Variants in CFAP299 observed in about 807,000 individuals in gnomAD.
CFAP299 encodes cilia- and flagella-associated protein 299.
In CFAP299, 21 loss-of-function variants were observed where a neutral mutation model predicts 27.0. The ratio of observed to expected loss-of-function variants is 0.78; its 90% CI spans 0.55 to 1.12. The LOEUF is 1.12. CFAP299 is among the 50% of genes most tolerant of loss of function. The pLI is 0.00. For synonymous variants in CFAP299, 104 were observed against 98.1 expected, an observed-to-expected ratio of 1.06 and a Z score of -0.36; for missense variants, 310 against 276.6, an observed-to-expected ratio of 1.12 and a Z score of -0.86.
chr4:80,758,922 G>A (rs78388732), intron 3 of CFAP299, among the ~76,000 whole-genome samples: 3,132 of 151,994 alleles, frequency 0.021, 79 homozygotes, highest in South Asian at 0.062. Context: ...ATATTAAAAT[G>A]GCACAAAAAT....
intron 3 of CFAP299, among the ~76,000 whole-genome samples, chr4:80,770,462 T>A (rs932053686): frequency 1.3e-5 from 2 of 152,006 alleles, no homozygotes; most frequent in Non-Finnish European, 2.9e-5. Context: ...CAGGAAAAAA[T>A]TTTGCTAAGC....
intron 2 of CFAP299, among the ~76,000 whole-genome samples, chr4:80,416,930 T>A (rs1727041753): frequency 6.6e-6 from 1 of 151,958 alleles, no homozygotes; most frequent in African/African-American, 2.4e-5. Context: ...TCAGGGTGAG[T>A]CCATAGAGTA....
intron 3 of CFAP299, among the ~76,000 whole-genome samples, chr4:80,779,058 A>G (rs2110089429): frequency 6.6e-6 from 1 of 152,130 alleles, no homozygotes; most frequent in African/African-American, 2.4e-5. Context: ...CTAACTCAAC[A>G]CTCAGAACAA....
intron 2 of CFAP299, among the ~76,000 whole-genome samples, chr4:80,527,185 C>T (rs184539914): frequency 3.3e-5 from 5 of 152,218 alleles, no homozygotes; most frequent in African/African-American, 4.8e-5. Flanking sequence ...GAAATGTGCT[C>T]CTCAGTACCA....
intron 2 of CFAP299, among the ~76,000 whole-genome samples, chr4:80,473,592 A>G (rs1330223147): frequency 2.6e-5 from 4 of 151,648 alleles, no homozygotes; most frequent in African/African-American, 9.7e-5. Flanking sequence ...TTTTTTTGAG[A>G]CAGGATCTCA....
intron 3 of CFAP299, among the ~76,000 whole-genome samples, chr4:80,699,729 A>G (rs1213808261): frequency 6.6e-6 from 1 of 152,158 alleles, no homozygotes; most frequent in African/African-American, 2.4e-5. Context: ...TTGCTAAGTT[A>G]TCACACATGC....
At chr4:80,322,721 A>G in the CFAP299 span, among the ~76,000 whole-genome samples, 3 of 152,234 alleles carry the variant, frequency 2.0e-5, no homozygotes, top group Admixed American at 6.5e-5. Context: ...AAGTATTCAG[A>G]TTCAAAATAA....
chr4:80,825,662 A>G (rs1729945656), intron 3 of CFAP299, among the ~76,000 whole-genome samples: 1 of 152,008 alleles, frequency 6.6e-6, no homozygotes, highest in South Asian at 2.1e-4. Flanking sequence ...CTTCAAAAGT[A>G]CAGAAGAAAT....
intron 2 of CFAP299, among the ~76,000 whole-genome samples, chr4:80,557,796 A>C (rs1165281721): frequency 2.0e-5 from 3 of 152,160 alleles, no homozygotes; most frequent in Non-Finnish European, 4.4e-5. Context: ...AAAAGGACAA[A>C]GCAAGAACAA....
chr4:80,727,284 A>G (rs532194894), intron 3 of CFAP299, among the ~76,000 whole-genome samples: 5 of 151,994 alleles, frequency 3.3e-5, no homozygotes, highest in Non-Finnish European at 5.9e-5. Flanking sequence ...ACTTTACTTT[A>G]CTATTTATAT....
intron 3 of CFAP299, among the ~76,000 whole-genome samples, chr4:80,722,912 A>AAC (rs201876255): frequency 0.022 from 3,289 of 152,050 alleles, 85 homozygotes; most frequent in South Asian, 0.062. Context: ...AACAAAACAA[A>AAC]AAAAAATCAA....
chr4:80,421,712 C>G (rs987869668), intron 2 of CFAP299, among the ~76,000 whole-genome samples: 3 of 152,166 alleles, frequency 2.0e-5, no homozygotes, highest in African/African-American at 7.2e-5. Flanking sequence ...GGTCTTGGAA[C>G]TCCATGAAGT....
At chr4:80,497,224 C>T (rs553836065) in intron 2 of CFAP299, among the ~76,000 whole-genome samples, 24 of 152,190 alleles carry the variant, frequency 1.6e-4, no homozygotes, top group East Asian at 9.7e-4. Flanking sequence ...GAGCTATGAT[C>T]GCACCACTGC....
At chr4:80,575,264 A>G (rs1338576479) in intron 2 of CFAP299, among the ~76,000 whole-genome samples, 1 of 152,060 alleles carries the variant, frequency 6.6e-6, no homozygotes, top group Admixed American at 6.6e-5. Flanking sequence ...TACTCATAGT[A>G]GCCTCTAATA....
chr4:80,431,263 G>T (rs1049982937), intron 2 of CFAP299, among the ~76,000 whole-genome samples: 1 of 152,096 alleles, frequency 6.6e-6, no homozygotes, highest in African/African-American at 2.4e-5. Context: ...TGCAATGTGG[G>T]CCTCTAGTAG....
At chr4:80,344,859 T>C (rs1722646827) in intron 1 of CFAP299, among the ~76,000 whole-genome samples, 1 of 152,162 alleles carries the variant, frequency 6.6e-6, no homozygotes, top group Admixed American at 6.5e-5. Context: ...ATAGATGTAA[T>C]TCATCATATA....
At chr4:80,436,269 A>T (rs1728068862) in intron 2 of CFAP299, among the ~76,000 whole-genome samples, 1 of 151,998 alleles carries the variant, frequency 6.6e-6, no homozygotes, top group South Asian at 2.1e-4. Flanking sequence ...GCTGTGAGGA[A>T]ACTTGATGGG....
intron 2 of CFAP299, among the ~76,000 whole-genome samples, chr4:80,488,934 G>T (rs1301237526): frequency 6.6e-6 from 1 of 152,150 alleles, no homozygotes; most frequent in Non-Finnish European, 1.5e-5. Flanking sequence ...GCTCTTTCTG[G>T]TGGCCTTCCT....
chr4:80,739,377 T>TTTATC (rs1724119215), intron 3 of CFAP299, among the ~76,000 whole-genome samples: 1 of 152,162 alleles, frequency 6.6e-6, no homozygotes, highest in African/African-American at 2.4e-5. Flanking sequence ...TCAGCTGTTG[T>TTTATC]TTATCTTGGA....
Sources: allele counts gnomAD v4.1 joint callset (sites outside exome capture counted in the v4.1 genomes callset), GRCh38; gene constraint gnomAD v4.1.1; transcripts MANE v1.5; gene names NCBI Gene and HGNC (gene_info 2026-07-23, HGNC 2026-07-21).